WDFY3: variants seen among roughly 807,000 people sequenced by gnomAD.
WDFY3 encodes WD repeat and FYVE domain containing 3.
A neutral mutation model predicts 409.6 loss-of-function variants in WDFY3; 66 were observed. The observed-to-expected ratio is 0.16, with a 90% CI of 0.13 to 0.20. The LOEUF (loss-of-function observed/expected upper bound fraction) is 0.20, where lower values mean the gene tolerates loss of function less well. Ranked by LOEUF, WDFY3 falls within the 10% of genes least tolerant of loss-of-function variation. The pLI is 1.00. For synonymous variants in WDFY3, 1,521 were observed against 1,537.1 expected, an observed-to-expected ratio of 0.99 and a Z score of 0.25; for missense variants, 3,031 against 4,298.1, an observed-to-expected ratio of 0.71 and a Z score of 8.24.
At chr4:84,877,395 A>G (rs1762932809) in intron 3 of WDFY3, among the ~76,000 whole-genome samples, 1 of 152,128 alleles carries the variant, frequency 6.6e-6, no homozygotes, top group African/African-American at 2.4e-5. Flanking sequence ...GTGCAGTTAC[A>G]TGATCAGGGC....
Position 84,703,580 on chromosome 4 carries a change from C to T in WDFY3, c.8442+758G>A, listed in dbSNP as rs1257860891. On this transcript the variant is annotated intron_variant, in intron 55 of 67. Coordinates refer to ENST00000295888, the MANE Select transcript of WDFY3 (RefSeq NM_014991.6). Reference sequence around the variant, plus strand: ...ACACACTGGCCCCCGGGCTGCTCCTCGAACATGCCAGGTACAAGCCTGCCT... The same window carrying T: ...ACACACTGGCCCCCGGGCTGCTCCTTGAACATGCCAGGTACAAGCCTGCCT... Among the ~76,000 whole-genome samples, 6 of 152,202 alleles carry T rather than the reference C, an allele frequency of 3.9e-5. No homozygotes were observed. The East Asian group carries it at 9.6e-4, about 24-fold the overall frequency.
At chr4:84,741,625 C>G in intron 38 of WDFY3, 136 bp downstream of exon 38, 1 of 1,070,556 alleles carries the variant, frequency 9.3e-7, no homozygotes, top group Non-Finnish European at 1.3e-6. Flanking sequence ...TGTCTCTATT[C>G]ACTTTTAATA....
At chr4:84,918,827 A>C (rs984071756) in intron 2 of WDFY3, among the ~76,000 whole-genome samples, 101 of 136,068 alleles carry the variant, frequency 7.4e-4, no homozygotes, top group Non-Finnish European at 1.2e-3. Context: ...ATATATATAT[A>C]GATATATATA....
chr4:84,735,802 T>G (rs561206951), intron 42 of WDFY3, among the ~76,000 whole-genome samples: 12 of 152,152 alleles, frequency 7.9e-5, no homozygotes, highest in African/African-American at 2.9e-4. Flanking sequence ...TAAAAAACCA[T>G]AGGTATACAC....
At chr4:84,794,111 T>C (rs913781366) in intron 21 of WDFY3, among the ~76,000 whole-genome samples, 3 of 152,136 alleles carry the variant, frequency 2.0e-5, no homozygotes, top group African/African-American at 7.2e-5. Flanking sequence ...ATCTTGAAGG[T>C]AAGTGATGGA....
intron 11 of WDFY3, among the ~76,000 whole-genome samples, chr4:84,820,541 T>G (rs1753906898): frequency 6.6e-6 from 1 of 152,216 alleles, no homozygotes; most frequent in Admixed American, 6.5e-5. Flanking sequence ...AGTTCATGAA[T>G]AAAGCTATCT....
At chr4:84,678,578 CT>C in intron 65 of WDFY3, among the ~76,000 whole-genome samples, 1 of 152,328 alleles carries the variant, frequency 6.6e-6, no homozygotes, top group African/African-American at 2.4e-5. Context: ...TAACTCTATT[CT>C]GGGCAAAGTT....
At chr4:84,679,821 C>CAT (rs370117920) in intron 64 of WDFY3, among the ~76,000 whole-genome samples, 6,381 of 143,914 alleles carry the variant, frequency 0.044, 141 homozygotes, top group Non-Finnish European at 0.051. Flanking sequence ...GGATATTCTT[C>CAT]ATATATATAT....
At chr4:84,916,500 G>A (rs867501892) in intron 2 of WDFY3, among the ~76,000 whole-genome samples, 7 of 152,076 alleles carry the variant, frequency 4.6e-5, no homozygotes, top group South Asian at 4.1e-4. Context: ...TGCCATTCTC[G>A]CATATGATTA....
intron 1 of WDFY3, among the ~76,000 whole-genome samples, 172 bp downstream of exon 1, chr4:84,966,037 C>T (rs1231258422): frequency 6.6e-6 from 1 of 151,974 alleles, no homozygotes. Context: ...CCAAGGCGGA[C>T]CCTGGGGAGG....
Position 84,670,760 on chromosome 4 carries a change from C to T in WDFY3, c.*2108G>A, listed in dbSNP as rs986382622. The T allele has an allele frequency of 8.5e-5, 13 of 152,544 alleles. No homozygotes were observed. The highest frequency in any genetic ancestry group is 3.1e-4 in the African/African-American group (13 of 41,406). The allele number at this position is 152,544 out of a possible 1,614,324, so 9.4% of individuals were successfully genotyped here. On this transcript the variant is annotated 3_prime_UTR_variant, in exon 68 of 68. Transcript: ENST00000295888. ...TTTTAAAAAGTGTAGAATAACACTG[C>T]TACAAATCATCTAGAGGGCCAGACA... is the stretch of plus-strand genomic sequence containing the variant.
At chr4:84,961,130 G>C (rs916462309) in intron 1 of WDFY3, among the ~76,000 whole-genome samples, 1 of 151,362 alleles carries the variant, frequency 6.6e-6, no homozygotes, top group Middle Eastern at 3.4e-3. Context: ...CAGGAGAATC[G>C]CTTGAACCCG....
At chr4:84,920,342 G>T (rs1415041188) in intron 2 of WDFY3, among the ~76,000 whole-genome samples, 1 of 151,848 alleles carries the variant, frequency 6.6e-6, no homozygotes, top group Non-Finnish European at 1.5e-5. Context: ...GCTAATATAA[G>T]AGATGATCCT....
At chr4:84,953,534 T>C (rs1255137042) in intron 1 of WDFY3, among the ~76,000 whole-genome samples, 4 of 152,096 alleles carry the variant, frequency 2.6e-5, no homozygotes, top group Non-Finnish European at 1.5e-5. Flanking sequence ...CATGTGAATA[T>C]CTTAAATATA....
intron 57 of WDFY3, 31 bp from the exon 58 acceptor site, chr4:84,696,213 G>C: frequency 6.2e-7 from 1 of 1,602,010 alleles, no homozygotes; most frequent in Non-Finnish European, 8.5e-7. Flanking sequence ...TTAGTCACTG[G>C]CTGACTTCTA....
intron 33 of WDFY3, 128 bp from the exon 34 acceptor site, chr4:84,755,528 A>G (rs1741288036): frequency 9.4e-7 from 1 of 1,062,244 alleles, no homozygotes. Context: ...CCAATGATAT[A>G]GACATAAAGA....
At chr4:84,714,674 C>T (rs1008625225) in intron 50 of WDFY3, among the ~76,000 whole-genome samples, 4 of 151,902 alleles carry the variant, frequency 2.6e-5, no homozygotes, top group African/African-American at 4.8e-5. Flanking sequence ...TGGCCGGGCA[C>T]GGTGGGTGGC....
intron 56 of WDFY3, among the ~76,000 whole-genome samples, chr4:84,701,713 T>TG (rs1486609229): frequency 1.3e-5 from 2 of 152,198 alleles, no homozygotes; most frequent in African/African-American, 4.8e-5. Context: ...ACAGCACTGA[T>TG]GGAGTTTTTC....
rs541534781 is a variant in WDFY3 at position 84,791,991 on chromosome 4, T to C, written c.3488-2084A>G. On this transcript the variant is annotated intron_variant, in intron 21 of 67. Transcript: ENST00000295888. ...CAGCGGTGGAAAACCAGATTTTAAATACTCATTTTAAAAAAAATTAAGAAG... is the reference window on the plus strand; with the variant it reads ...CAGCGGTGGAAAACCAGATTTTAAACACTCATTTTAAAAAAAATTAAGAAG... Among the ~76,000 whole-genome samples the C allele has an allele frequency of 1.2e-4, 19 of 152,308 alleles. 1 individual carries two copies. The highest frequency in any genetic ancestry group is 4.6e-4 in the African/African-American group (19 of 41,574).
Sources: allele counts gnomAD v4.1 joint callset (sites outside exome capture counted in the v4.1 genomes callset), GRCh38; gene constraint gnomAD v4.1.1; transcripts MANE v1.5; gene names NCBI Gene and HGNC (gene_info 2026-07-23, HGNC 2026-07-21).